SCFD2: variants seen among roughly 807,000 people sequenced by gnomAD.
SCFD2 encodes sec1 family domain-containing protein 2.
A neutral mutation model predicts 58.9 loss-of-function variants in SCFD2; 54 were observed. The ratio of observed to expected loss-of-function variants is 0.92; its 90% CI spans 0.74 to 1.15. SCFD2 has a LOEUF of 1.15. Ranked by LOEUF, SCFD2 falls within the 50% of genes most tolerant of loss-of-function variation. SCFD2 has a pLI of 0.00. For synonymous variants in SCFD2, 321 were observed against 335.9 expected (o/e 0.96, Z 0.49); for missense variants, 805 against 836.6 (o/e 0.96, Z 0.47).
chr4:53,207,491 T>TATATATATATATACACACACATAA (rs1423322157), intron 4 of SCFD2, among the ~76,000 whole-genome samples: 4 of 21,784 alleles, frequency 1.8e-4, no homozygotes, highest in African/African-American at 8.3e-4. Context: ...TATATATATA[T>TATATATATATATACACACACATAA]TTCATATATA....
intron 7 of SCFD2, 53 bp from the exon 8 acceptor site, chr4:52,885,919 A>G (rs961460652): frequency 1.2e-6 from 2 of 1,607,084 alleles, no homozygotes; most frequent in East Asian, 2.2e-5. Context: ...TGCAGGCACA[A>G]TGCAGCTGGG....
intron 5 of SCFD2, among the ~76,000 whole-genome samples, chr4:53,132,446 C>T (rs1298460407): frequency 6.6e-6 from 1 of 152,024 alleles, no homozygotes; most frequent in Non-Finnish European, 1.5e-5. Flanking sequence ...GTATTTAAAG[C>T]TGTTTTTTGT....
chr4:53,112,709 G>A (rs1278589426), intron 5 of SCFD2, among the ~76,000 whole-genome samples: 1 of 152,068 alleles, frequency 6.6e-6, no homozygotes, highest in African/African-American at 2.4e-5. Flanking sequence ...TTTCCTCACT[G>A]AGAAAATGGG....
At chr4:52,875,368 G>T (rs1718446399) in intron 8 of SCFD2, among the ~76,000 whole-genome samples, 1 of 152,168 alleles carries the variant, frequency 6.6e-6, no homozygotes, top group African/African-American at 2.4e-5. Flanking sequence ...GGCCTGGTTA[G>T]GTTTTGCACA....
intron 4 of SCFD2, among the ~76,000 whole-genome samples, chr4:53,213,787 T>C (rs1728705335): frequency 1.3e-5 from 2 of 152,100 alleles, no homozygotes; most frequent in African/African-American, 4.8e-5. Flanking sequence ...TTATATCTCC[T>C]CATTCTATCC....
intron 5 of SCFD2, among the ~76,000 whole-genome samples, chr4:53,048,681 C>T (rs1288171686): frequency 6.6e-6 from 1 of 152,218 alleles, no homozygotes; most frequent in Non-Finnish European, 1.5e-5. Context: ...GTCAGGGCTG[C>T]AGGGAGCTGT....
At chr4:53,043,540 C>T (rs553625311) in intron 5 of SCFD2, among the ~76,000 whole-genome samples, 2 of 152,158 alleles carry the variant, frequency 1.3e-5, no homozygotes, top group South Asian at 2.1e-4. Flanking sequence ...TTATCTGGAA[C>T]AAAATTTCTA....
chr4:52,927,622 A>G (rs1391095812), intron 5 of SCFD2, among the ~76,000 whole-genome samples: 3 of 152,218 alleles, frequency 2.0e-5, no homozygotes, highest in Non-Finnish European at 4.4e-5. Flanking sequence ...TCAGTATGTG[A>G]GAACATTTAA....
intron 5 of SCFD2, among the ~76,000 whole-genome samples, chr4:52,987,600 T>C (rs558812834): frequency 2.6e-5 from 4 of 151,768 alleles, no homozygotes; most frequent in African/African-American, 9.7e-5. Context: ...AAGGGGAGAG[T>C]AGAGGACTGG....
intron 4 of SCFD2, among the ~76,000 whole-genome samples, chr4:53,258,164 C>CT (rs1224159596): frequency 6.6e-6 from 1 of 152,036 alleles, no homozygotes; most frequent in Non-Finnish European, 1.5e-5. Flanking sequence ...TTGTCAATGA[C>CT]TTTTTTTAGA....
intron 5 of SCFD2, among the ~76,000 whole-genome samples, chr4:53,012,814 CTG>C (rs533768079): frequency 7.7e-4 from 112 of 146,230 alleles, no homozygotes; most frequent in African/African-American, 2.6e-3. Flanking sequence ...CCCCTCCTTT[CTG>C]TGTGTGTGTG....
At chr4:53,238,251 C>T (rs1237228468) in intron 4 of SCFD2, among the ~76,000 whole-genome samples, 12 of 121,406 alleles carry the variant, frequency 9.9e-5, no homozygotes, top group African/African-American at 2.9e-4. Context: ...CCAGTAGGGG[C>T]GGCCAGGCAG....
At chr4:53,072,752 G>A (rs1723857001) in intron 5 of SCFD2, among the ~76,000 whole-genome samples, 1 of 152,020 alleles carries the variant, frequency 6.6e-6, no homozygotes, top group Non-Finnish European at 1.5e-5. Flanking sequence ...CCGTGGAAGT[G>A]GCAACCGATT....
chr4:52,988,194 A>C (rs2109578510), intron 5 of SCFD2, among the ~76,000 whole-genome samples: 1 of 152,332 alleles, frequency 6.6e-6, no homozygotes, highest in East Asian at 1.9e-4. Flanking sequence ...TGGGAGAGAG[A>C]AAATGCGTTA....
chr4:52,970,978 A>T (rs1322378869), intron 5 of SCFD2, among the ~76,000 whole-genome samples: 1 of 152,180 alleles, frequency 6.6e-6, no homozygotes, highest in Non-Finnish European at 1.5e-5. Flanking sequence ...AAGGAAAACT[A>T]ACAAACAGAA....
chr4:52,937,233 CT>C (rs1049835937), intron 5 of SCFD2, among the ~76,000 whole-genome samples: 4 of 152,168 alleles, frequency 2.6e-5, no homozygotes, highest in African/African-American at 9.7e-5. Flanking sequence ...CAGGAATGTG[CT>C]TAAGTTCTAG....
intron 5 of SCFD2, among the ~76,000 whole-genome samples, chr4:53,008,015 C>T (rs4293841): frequency 0.97 from 147,857 of 152,294 alleles, 71,938 homozygotes; most frequent in Middle Eastern, 1. Context: ...AAGGTGGGTA[C>T]ATCAGTCAAA....
intron 4 of SCFD2, among the ~76,000 whole-genome samples, chr4:53,229,740 G>A (rs1183723848): frequency 6.6e-6 from 1 of 152,142 alleles, no homozygotes; most frequent in Non-Finnish European, 1.5e-5. Context: ...AACACCAAAA[G>A]CAATGGCAAC....
intron 3 of SCFD2, among the ~76,000 whole-genome samples, chr4:53,296,834 T>TG (rs926984225): frequency 1.2e-4 from 18 of 152,242 alleles, no homozygotes; most frequent in African/African-American, 4.3e-4. Flanking sequence ...TCTGGTACAT[T>TG]GTGTCTTTGT....
Sources: allele counts gnomAD v4.1 joint callset (sites outside exome capture counted in the v4.1 genomes callset), GRCh38; gene constraint gnomAD v4.1.1; transcripts MANE v1.5; gene names NCBI Gene and HGNC (gene_info 2026-07-23, HGNC 2026-07-21).